SLC7A9: variants seen among roughly 807,000 people sequenced by gnomAD.
SLC7A9 encodes the protein B(0,+)-type amino acid transporter 1.
In SLC7A9, 38 loss-of-function variants were observed where a neutral mutation model predicts 54.1. The ratio of observed to expected loss-of-function variants is 0.70; its 90% CI spans 0.54 to 0.92. The LOEUF (loss-of-function observed/expected upper bound fraction) is 0.92. SLC7A9 is among the 40% of genes least tolerant of loss of function. The probability of loss-of-function intolerance (pLI) is 0.00; values close to 1 mark genes in which losing one functional copy is unlikely to be tolerated. For missense variants in SLC7A9, 537 were observed against 636.1 expected (o/e 0.84, Z 1.68); for synonymous variants, 264 against 258.9 (o/e 1.02, Z -0.19).
rs760033221 is a variant in SLC7A9 at position 32,833,272 on chromosome 19, G to A, written c.1276C>T (p.Leu426=). Residue 426 remains leucine (L), a synonymous_variant, in exon 12 of 13, where the codon CTG becomes TTG. Transcript: ENST00000023064. ...GTGGGCTTGCTGATGATTGGAGCCA[G>A]AACCAAAAACACAGAGATGAGTGTC... ...LMTLISVFLV[L]APIISKPTWE... 1.2e-6 allele frequency: 2 copies of A among 1,614,074 alleles called. No homozygotes were observed. Among genetic ancestry groups the A allele is most frequent in the East Asian group, 4.5e-5 (2 of 44,892 alleles).
chr19:32,847,616 G>T (rs1289418846), intron 9 of SLC7A9, among the ~76,000 whole-genome samples: 1 of 152,106 alleles, frequency 6.6e-6, no homozygotes, highest in Non-Finnish European at 1.5e-5. Context: ...CACTCTGCAG[G>T]GTATTATCCA....
chr19:32,843,500 G>A (rs1186845956), intron 10 of SLC7A9, among the ~76,000 whole-genome samples: 1 of 152,104 alleles, frequency 6.6e-6, no homozygotes, highest in Non-Finnish European at 1.5e-5. Flanking sequence ...CAAGGATCCG[G>A]TGACTTCTTA....
chr19:32,862,673 T>A (rs1420069307), intron 4 of SLC7A9, 87 bp from the exon 5 acceptor site: 71 of 1,264,912 alleles, frequency 5.6e-5, no homozygotes, highest in Admixed American at 1.9e-4. Context: ...TTTTTATTTT[T>A]TTTTTTTTTT....
chr19:32,842,061 GTC>G, intron 11 of SLC7A9, 105 bp downstream of exon 11: 1 of 1,106,288 alleles, frequency 9.0e-7, no homozygotes. Flanking sequence ...TTTTAAAAGA[GTC>G]AAGTCAGATT....
chr19:32,837,938 A>G (rs1267305750), intron 11 of SLC7A9, among the ~76,000 whole-genome samples: 2 of 152,262 alleles, frequency 1.3e-5, no homozygotes, highest in Non-Finnish European at 2.9e-5. Flanking sequence ...ATAAGCAAAA[A>G]ATAGCAATGA....
intron 11 of SLC7A9, among the ~76,000 whole-genome samples, chr19:32,835,889 CTG>C (rs1212868987): frequency 0.033 from 4,634 of 140,282 alleles, 200 homozygotes; most frequent in African/African-American, 0.1. Flanking sequence ...AATTTATGTA[CTG>C]TGTGTGTGTG....
chr19:32,843,919 AT>A lies in SLC7A9; in HGVS notation c.1009del (p.Met337CysfsTer25). 2 of 1,613,918 alleles carry A rather than the reference AT, an allele frequency of 1.2e-6. No individual in the cohort carries two copies. Among genetic ancestry groups the A allele is most frequent in the Non-Finnish European group, 1.7e-6 (2 of 1,179,984 alleles). On this transcript the variant is annotated frameshift_variant, in exon 10 of 13. Coordinates refer to ENST00000023064, the MANE Select transcript of SLC7A9 (RefSeq NM_014270.5). LOFTEE classifies it high-confidence loss of function. The stretch of plus-strand genomic sequence containing the variant: ...GCTGATGTAAGAAAGCACTTTGAGC[AT>A]GTGACCCTCCCGGCCCGCCACGTAA... ...LIYVAGREGH[M>X]LKVLSYISVR... is the part of the protein sequence containing the mutation.
chr19:32,844,050 G>T (rs1022067432), intron 9 of SLC7A9, 99 bp from the exon 10 acceptor site: 5 of 869,150 alleles, frequency 5.8e-6, no homozygotes, highest in African/African-American at 5.0e-5. Context: ...GGAGCCCTCG[G>T]GAGGCTCAGG....
chr19:32,867,663 G>A (rs1449632878), intron 2 of SLC7A9, among the ~76,000 whole-genome samples: 1 of 152,086 alleles, frequency 6.6e-6, no homozygotes, highest in East Asian at 1.9e-4. Context: ...ATAATATGCG[G>A]GCCGGGCAAG....
intron 12 of SLC7A9, among the ~76,000 whole-genome samples, chr19:32,832,587 CA>C (rs746136682): frequency 0.23 from 21,130 of 91,320 alleles, 1,536 homozygotes; most frequent in South Asian, 0.3. Flanking sequence ...GACTGTGTCT[CA>C]AAAAAAAAAA....
chr19:32,841,951 G>A (rs189145893), intron 11 of SLC7A9, among the ~76,000 whole-genome samples: 196 of 152,290 alleles, frequency 1.3e-3, no homozygotes, highest in African/African-American at 4.3e-3. Context: ...ACAGAGACGG[G>A]CCACAGGTAT....
At chr19:32,844,857 C>CACAAA (rs1968236095) in intron 9 of SLC7A9, among the ~76,000 whole-genome samples, 1 of 30,314 alleles carries the variant, frequency 3.3e-5, no homozygotes, top group Admixed American at 7.0e-4. Flanking sequence ...GAATCCATCT[C>CACAAA]AAAAAAAAAA....
chr19:32,858,412 C>G, intron 9 of SLC7A9, 28 bp downstream of exon 9: 1 of 1,517,760 alleles, frequency 6.6e-7, no homozygotes, highest in Non-Finnish European at 9.1e-7. Context: ...CCCTGTCCAC[C>G]CTGGGAGTGA....
chr19:32,861,313 T>G (rs951875736), intron 6 of SLC7A9, among the ~76,000 whole-genome samples: 1 of 148,466 alleles, frequency 6.7e-6, no homozygotes, highest in Non-Finnish European at 1.5e-5. Flanking sequence ...GCCTGGGTAA[T>G]AGAGTGAGAC....
chr19:32,842,044 T>C (rs1968141086), intron 11 of SLC7A9, 124 bp downstream of exon 11: 1 of 948,702 alleles, frequency 1.1e-6, no homozygotes, highest in South Asian at 1.4e-5. Flanking sequence ...CACTCTAAAA[T>C]ACGATATTTT....
intron 2 of SLC7A9, among the ~76,000 whole-genome samples, chr19:32,865,797 C>A (rs1968950213): frequency 6.6e-6 from 1 of 152,026 alleles, no homozygotes; most frequent in African/African-American, 2.4e-5. Context: ...ATGGAGAAAC[C>A]CCGTTTCTAC....
chr19:32,845,510 CCAAA>C, intron 9 of SLC7A9, among the ~76,000 whole-genome samples: 2 of 152,068 alleles, frequency 1.3e-5, no homozygotes, highest in South Asian at 4.2e-4. Context: ...TCAAACAAAA[CCAAA>C]CAAACAAAAA....
chr19:32,858,408 C>G (rs1487928385), intron 9 of SLC7A9, 32 bp downstream of exon 9: 1 of 1,486,030 alleles, frequency 6.7e-7, no homozygotes, highest in South Asian at 1.1e-5. Context: ...CCGCCCCTGT[C>G]CACCCTGGGA....
Position 32,833,325 on chromosome 19 carries a change from T to A in SLC7A9, c.1225-2A>T, listed in dbSNP as rs1967862823. 6.2e-7 allele frequency: 1 copy of A among 1,613,994 alleles called. No individual in the cohort carries two copies. The stretch of plus-strand genomic sequence containing the variant: ...CAAGACGGGAATGACTACGGGCACC[T>A]GGAGACGAAAAACAGGTCATGGGTA... On this transcript the variant is annotated splice_acceptor_variant, in intron 11 of 12. Coordinates refer to ENST00000023064, the MANE Select transcript of SLC7A9 (RefSeq NM_014270.5). LOFTEE classifies it high-confidence loss of function.
Sources: allele counts gnomAD v4.1 joint callset (sites outside exome capture counted in the v4.1 genomes callset), GRCh38; gene constraint gnomAD v4.1.1; transcripts MANE v1.5; gene names NCBI Gene and HGNC (gene_info 2026-07-23, HGNC 2026-07-21).